DGKQ: variants seen among roughly 807,000 people sequenced by gnomAD.
DGKQ encodes DAG kinase theta.
A neutral mutation model predicts 104.2 loss-of-function variants in DGKQ; 97 were observed. The ratio of observed to expected loss-of-function variants is 0.93; its 90% confidence interval spans 0.79 to 1.10. The LOEUF (loss-of-function observed/expected upper bound fraction) is 1.10. Among genes scored for constraint, DGKQ ranks in the 50% least tolerant of loss-of-function variants. The pLI, the probability that DGKQ is intolerant of heterozygous loss-of-function variation, is 0.00. For missense variants in DGKQ, 1,465 were observed against 1,352.1 expected (o/e 1.08, Z -1.31); for synonymous variants, 736 against 595.2 (o/e 1.24, Z -3.44).
rs1429165828 is a variant in DGKQ, at chr4:967,543, C to G, written c.987+6G>C. 1.6e-5 allele frequency: 26 copies of G among 1,611,830 alleles called. No homozygotes were observed. The highest frequency in any genetic ancestry group is 2.2e-5 in the Non-Finnish European group (26 of 1,179,494). On this transcript the variant is annotated splice_donor_region_variant and intron_variant, in intron 8 of 22. Transcript: ENST00000273814. ...GGGCTCAGACCTCCCCCAGCCTCCCCCTTACCAGCACCTCCTCGGCACCGG... is the reference window on the plus strand; with the variant it reads ...GGGCTCAGACCTCCCCCAGCCTCCCGCTTACCAGCACCTCCTCGGCACCGG...
chr4:967,062 GAC>G lies in DGKQ; in HGVS notation c.1221-10_1221-9del, dbSNP rs1560516253. The G allele has an allele frequency of 6.5e-7, 1 of 1,550,272 alleles. No homozygotes were observed. The highest frequency in any genetic ancestry group is 8.7e-7 in the Non-Finnish European group (1 of 1,146,588). On this transcript the variant is annotated splice_polypyrimidine_tract_variant and intron_variant, in intron 9 of 22. Transcript: ENST00000273814. ...ACGTAGGCCACGCCCACCCTGTGGG[GAC>G]ACAGTCTGAGCTGGAGCTCCCCCCA... is the stretch of plus-strand genomic sequence containing the variant.
rs373879083 is a variant in DGKQ, at chr4:967,122, G to C, written c.1220+7C>G. 4.4e-4 allele frequency: 700 copies of C among 1,574,644 alleles called. 1 individual carries two copies. Among genetic ancestry groups the C allele is most frequent in the Middle Eastern group, 1.0e-3 (6 of 5,998 alleles). On this transcript the variant is annotated splice_region_variant and intron_variant, in intron 9 of 22. Coordinates refer to ENST00000273814, the MANE Select transcript of DGKQ (RefSeq NM_001347.4). ...CAGCAGACCCTGAGCCTCGGGCCCA[G>C]TCTCACTTGAGCCAGCCAGGGTAGA...
chr4:966,365 G>T, intron 12 of DGKQ, 101 bp downstream of exon 12: 1 of 1,340,178 alleles, frequency 7.5e-7, no homozygotes, highest in Non-Finnish European at 1.0e-6. Context: ...CCGCTGCCTA[G>T]CCAAGGAGAA....
intron 1 of DGKQ, among the ~76,000 whole-genome samples, chr4:972,280 C>T (rs1201816666): frequency 2.6e-5 from 4 of 152,174 alleles, no homozygotes; most frequent in Admixed American, 1.3e-4. Context: ...CCCCAGGCAG[C>T]AGGCATGGCT....
Position 961,141 on chromosome 4 carries a change from C to T in DGKQ, c.2635G>A (p.Val879Ile), listed in dbSNP as rs770866029. ...IRIAQGSYFR[V>I]TLLKATPVQV... is the part of the protein sequence containing the mutation. ...ACCGGGGTGGCCTTGAGGAGCGTGA[C>T]TCGGAAGTAGGAACCCTGGGCAATC... Residue 879 changes from valine (V) to isoleucine (I), a missense_variant, in exon 22 of 23, where the codon GTC becomes ATC. Val to Ile is a conservative substitution (Grantham distance 29). Transcript: ENST00000273814. The T allele has an allele frequency of 8.7e-6, 14 of 1,606,390 alleles. No homozygotes were observed. Among genetic ancestry groups the T allele is most frequent in the Non-Finnish European group, 1.2e-5 (14 of 1,177,266 alleles).
Position 961,058 on chromosome 4 carries a change from A to C in DGKQ, c.2718T>G (p.Ala906=). Reference sequence around the variant, plus strand: ...GCCTCACCCCACATACCTTAGGGCCAGCAGCTGAGATGATCATGTGCCCCG... The same window carrying C: ...GCCTCACCCCACATACCTTAGGGCCCGCAGCTGAGATGATCATGTGCCCCG... ...QAPGHMIISA[A]GPKVHMLRKA... Residue 906 remains alanine, a synonymous_variant, in exon 22 of 23, where the codon GCT becomes GCG. Coordinates refer to ENST00000273814, the MANE Select transcript of DGKQ (RefSeq NM_001347.4). The C allele has an allele frequency of 6.2e-7, 1 of 1,612,176 alleles. No individual in the cohort carries two copies. The highest frequency in any genetic ancestry group is 8.5e-7 in the Non-Finnish European group (1 of 1,179,612).
In DGKQ at chr4:960,512, G is replaced by C; in HGVS notation, c.*108C>G. 1 of 1,025,724 alleles carries C rather than the reference G, an allele frequency of 9.7e-7. No individual in the cohort carries two copies. The highest frequency in any genetic ancestry group is 1.5e-6 in the Non-Finnish European group (1 of 675,964). The allele number at this position is 1,025,724 out of a possible 1,614,324, so 63.5% of individuals were successfully genotyped here. ...TGTGGTCAGGGCTGTAGCCAGGTCC[G>C]ACCACAGGGCCGGCCACTGTGTGGA... On this transcript the variant is annotated 3_prime_UTR_variant, in exon 23 of 23. Transcript: ENST00000273814.
chr4:969,609 C>T (rs11725653), intron 2 of DGKQ, among the ~76,000 whole-genome samples: 13,949 of 140,854 alleles, frequency 0.099, 927 homozygotes, highest in South Asian at 0.23. Context: ...TTAAATATAT[C>T]TCCTTTTTTT....
chr4:967,456 G>A lies in DGKQ; in HGVS notation c.987+93C>T, dbSNP rs1368764573. On this transcript the variant is annotated intron_variant, in intron 8 of 22. Coordinates refer to ENST00000273814, the MANE Select transcript of DGKQ (RefSeq NM_001347.4). ...GGAGGGGGAGGCCAGGTGGGTGAGGGGCGCCAGGTTGGGGGAGCCAGGTCA... is the reference window on the plus strand; with the variant it reads ...GGAGGGGGAGGCCAGGTGGGTGAGGAGCGCCAGGTTGGGGGAGCCAGGTCA... The A allele has an allele frequency of 1.5e-5, 22 of 1,446,886 alleles. No individual in the cohort carries two copies. In the East Asian group the frequency reaches 2.7e-4, roughly 18 times the overall value. The allele number at this position is 1,446,886 out of a possible 1,614,324, so 89.6% of individuals were successfully genotyped here. A position where few individuals can be genotyped will look rare whatever the true frequency, so the allele number is the denominator to read the frequency against.
In DGKQ at chr4:973,206, G is replaced by C. The variant is rs772683335; in HGVS notation, c.271+6C>G. ...AGCCGGGTAGGCATCGGGCCCGGGC[G>C]CTCACCGTCGCACAGGAAGCCGGCC... On this transcript the variant is annotated splice_donor_region_variant and intron_variant, in intron 1 of 22. Transcript: ENST00000273814. The C allele has an allele frequency of 1.9e-5, 29 of 1,545,742 alleles. No homozygotes were observed. The South Asian group carries it at 3.3e-4, about 18-fold the overall frequency.
chr4:964,202 G>A (rs1712112794), intron 15 of DGKQ: 1 of 154,530 alleles, frequency 6.5e-6, no homozygotes, highest in Admixed American at 6.5e-5. Flanking sequence ...TGGCCACCCT[G>A]TCCTGAGCCA....
Position 963,232 on chromosome 4 carries a change from C to T in DGKQ, c.1793G>A (p.Gly598Glu). ...PLLVFVNPKS[G>E]GLKGRDLLCS... ...GAGCAGGTCTCGGCCCTTGAGGCCT[C>T]CACTCTTGGGGTTCACGAACACAAG... The change falls in exon 16 of 23, where the codon GGA (glycine) becomes GAA (glutamate). Residue 598 changes from glycine to glutamate, a missense_variant. By Grantham distance (98) the Gly-to-Glu change is moderately conservative (BLOSUM62 -2). Transcript: ENST00000273814. 6.2e-7 allele frequency: 1 copy of T among 1,611,570 alleles called. No homozygotes were observed. Among genetic ancestry groups the T allele is most frequent in the Non-Finnish European group, 8.5e-7 (1 of 1,178,894 alleles).
rs10005591 is a variant in DGKQ at position 970,958 on chromosome 4, C to A, written c.351+35G>T. Reference sequence around the variant, plus strand: ...CTACGAGAGCTGACACATCCCCCAGCCTCTTGCAGGTGCAACACCCAGCCC... The same window carrying A: ...CTACGAGAGCTGACACATCCCCCAGACTCTTGCAGGTGCAACACCCAGCCC... On this transcript the variant is annotated intron_variant, in intron 2 of 22. Transcript: ENST00000273814. The A allele has an allele frequency of 2.6e-3, 3,852 of 1,507,648 alleles. 83 individuals are homozygous for A. In the African/African-American group the frequency reaches 0.048, roughly 19 times the overall value. 93.4% of individuals were successfully genotyped at this position (1,507,648 alleles called of 1,614,324 possible).
Position 963,183 on chromosome 4 carries a change from G to T in DGKQ, c.1842C>A (p.Asn614Lys). ...TGGTCAGGTCGAAGACCTGATGAGG[G>T]TTCAGTAGCTTCCGGAAGCTGCAGA... is the stretch of plus-strand genomic sequence containing the variant. ...DLLCSFRKLL[N>K]PHQVFDLTNG... Residue 614 changes from asparagine to lysine, a missense_variant, in exon 16 of 23, where the codon AAC becomes AAA. Transcript: ENST00000273814. The T allele has an allele frequency of 1.2e-6, 2 of 1,610,958 alleles. No homozygotes were observed. The highest frequency in any genetic ancestry group is 1.7e-6 in the Non-Finnish European group (2 of 1,178,438).
intron 22 of DGKQ, 33 bp from the exon 23 acceptor site, chr4:960,754 G>A: frequency 6.2e-7 from 1 of 1,605,652 alleles, no homozygotes; most frequent in Non-Finnish European, 8.5e-7. Flanking sequence ...GGACCAGGGT[G>A]ACATGGCCGA....
chr4:968,949 C>A (rs760077718), intron 2 of DGKQ, 39 bp from the exon 3 acceptor site: 18 of 1,362,096 alleles, frequency 1.3e-5, no homozygotes, highest in Middle Eastern at 3.7e-4. Flanking sequence ...TTGGTAAGGG[C>A]AACAGGCTGC....
In DGKQ at chr4:961,758, G is replaced by C. The variant is rs770061785; in HGVS notation, c.2392C>G (p.Arg798Gly). 1.2e-6 allele frequency: 2 copies of C among 1,612,490 alleles called. No individual in the cohort carries two copies. Among genetic ancestry groups the C allele is most frequent in the Non-Finnish European group, 8.5e-7 (1 of 1,179,794 alleles). Residue 798 changes from arginine (R) to glycine (G), a missense_variant, in exon 20 of 23, where the codon CGG becomes GGG. Physicochemically the swap from Arg to Gly is moderately radical, Grantham distance 125. Transcript: ENST00000273814. ...ACCTCCTGCCGCTCCACCTGCAGCC[G>C]GATCTGCTTGTGCAGGCTCCGAGAG... ...SHSRSLHKQI[R>G]LQVERQEVEL...
intron 13 of DGKQ, 112 bp from the exon 14 acceptor site, chr4:965,641 TC>T (rs1712251743): frequency 7.9e-7 from 1 of 1,262,018 alleles, no homozygotes; most frequent in Non-Finnish European, 1.1e-6. Context: ...AAAGGCAGCC[TC>T]CCCAGGAAGT....
intron 20 of DGKQ, 40 bp downstream of exon 20, chr4:961,648 C>T: frequency 6.2e-7 from 1 of 1,611,376 alleles, no homozygotes; most frequent in Non-Finnish European, 8.5e-7. Context: ...GCCCATGGCC[C>T]CGCCGGGCAG....
Sources: allele counts gnomAD v4.1 joint callset (sites outside exome capture counted in the v4.1 genomes callset), GRCh38; gene constraint gnomAD v4.1.1; transcripts MANE v1.5; gene names NCBI Gene and HGNC (gene_info 2026-07-23, HGNC 2026-07-21).